TLE6: variants seen among roughly 807,000 people sequenced by gnomAD.
The protein encoded by TLE6 is TLE family member 6, subcortical maternal complex member, also known as transducin-like enhancer protein 6.
Under a neutral mutation model 77.1 loss-of-function variants are expected in TLE6, and 72 were observed. The observed-to-expected ratio is 0.93, with a 90% confidence interval of 0.77 to 1.14. TLE6 has a LOEUF of 1.14. Ranked by LOEUF, TLE6 falls within the 50% of genes most tolerant of loss-of-function variation. The probability of loss-of-function intolerance (pLI) is 0.00; values close to 1 mark genes in which losing one functional copy is unlikely to be tolerated. For missense variants in TLE6, 843 were observed against 747.6 expected (o/e 1.13, Z -1.49); for synonymous variants, 366 against 287.3 (o/e 1.27, Z -2.77).
At chr19:2,980,587 T>G (rs1463554646) in intron 3 of TLE6, among the ~76,000 whole-genome samples, 2 of 150,304 alleles carry the variant, frequency 1.3e-5, no homozygotes, top group Non-Finnish European at 3.0e-5. Context: ...AATACAAAAA[T>G]CAGCCAGGCT....
At chr19:2,993,956 G>C in intron 15 of TLE6, 63 bp from the exon 16 acceptor site, 1 of 1,222,980 alleles carries the variant, frequency 8.2e-7, no homozygotes. Context: ...GGGTGGGGAG[G>C]ATGAACTCTG....
intron 14 of TLE6, 84 bp from the exon 15 acceptor site, chr19:2,993,348 G>A: frequency 2.7e-6 from 4 of 1,459,476 alleles, no homozygotes; most frequent in South Asian, 2.7e-5. Flanking sequence ...CCGGCCTCCA[G>A]GATAGGTCCC....
chr19:2,978,123 G>T (rs374774785), intron 1 of TLE6, 75 bp from the exon 2 acceptor site: 15 of 1,138,928 alleles, frequency 1.3e-5, no homozygotes, highest in Middle Eastern at 2.0e-4. Context: ...TGCGGGTGGG[G>T]TAACGGGTGC....
At chr19:2,991,395 T>TATATATATACAC (rs1555686268) in intron 13 of TLE6, among the ~76,000 whole-genome samples, 54 of 114,116 alleles carry the variant, frequency 4.7e-4, no homozygotes, top group Admixed American at 2.5e-3. Flanking sequence ...TATATATATA[T>TATATATATACAC]ACACACACAC....
At chr19:2,987,437 A>G (rs2088940511) in intron 8 of TLE6, 65 bp downstream of exon 8, 2 of 1,604,094 alleles carry the variant, frequency 1.2e-6, no homozygotes, top group African/African-American at 2.7e-5. Context: ...GGGCTCCCCC[A>G]GGTCAGGGCA....
intron 11 of TLE6, among the ~76,000 whole-genome samples, chr19:2,988,529 T>C (rs1599163350): frequency 6.6e-6 from 1 of 151,210 alleles, no homozygotes; most frequent in South Asian, 2.1e-4. Flanking sequence ...ACCCGGGAGG[T>C]GGAGGTTGCA....
At chr19:2,981,828 C>T (rs1380875181) in intron 4 of TLE6, among the ~76,000 whole-genome samples, 2 of 151,272 alleles carry the variant, frequency 1.3e-5, no homozygotes, top group South Asian at 2.1e-4. Context: ...AAAAATTAGC[C>T]GGGCATGGTG....
intron 5 of TLE6, 138 bp downstream of exon 5, chr19:2,982,327 C>A: frequency 2.2e-6 from 2 of 907,112 alleles, no homozygotes; most frequent in South Asian, 1.6e-5. Context: ...CACTTGAGGT[C>A]AGGAGTTCGA....
At chr19:2,990,454 A>AT (rs2089019426) in intron 13 of TLE6, among the ~76,000 whole-genome samples, 1 of 150,772 alleles carries the variant, frequency 6.6e-6, no homozygotes. Flanking sequence ...CTACAAAAAA[A>AT]TTAGCCAGGC....
intron 11 of TLE6, 130 bp from the exon 12 acceptor site, chr19:2,988,931 G>C (rs1179770586): frequency 6.8e-6 from 9 of 1,319,986 alleles, no homozygotes; most frequent in Non-Finnish European, 9.4e-6. Context: ...GGAGTCTAGA[G>C]GGTAAAACAA....
rs775710267 is a variant in TLE6 at position 2,989,314 on chromosome 19, G to A, written c.993+1G>A. The A allele has an allele frequency of 3.7e-6, 6 of 1,612,664 alleles. No individual in the cohort carries two copies. Among genetic ancestry groups the A allele is most frequent in the Non-Finnish European group, 3.4e-6 (4 of 1,179,714 alleles). On this transcript the variant is annotated splice_donor_variant, in intron 12 of 16. Transcript: ENST00000246112. LOFTEE classifies it high-confidence loss of function. ...CCCTGAGAGCCACCTGCCTATACAGGTGAGGACGGCCTTGGTTTCCAGGGA... is the reference window on the plus strand; with the variant it reads ...CCCTGAGAGCCACCTGCCTATACAGATGAGGACGGCCTTGGTTTCCAGGGA...
At chr19:2,993,952 G>A in intron 15 of TLE6, 67 bp from the exon 16 acceptor site, 17 of 1,289,494 alleles carry the variant, frequency 1.3e-5, no homozygotes, top group Non-Finnish European at 1.6e-5. Flanking sequence ...AGGTGGGTGG[G>A]GAGGATGAAC....
chr19:2,991,281 C>A lies in TLE6; in HGVS notation c.1245-562C>A, dbSNP rs924239178. ...GGCTGAGGCAGGAGAATCGCTTGAA[C>A]CCAGGAGGCAGAGGTTGCAGTGAGC... is the stretch of plus-strand genomic sequence containing the variant. On this transcript the variant is annotated intron_variant, in intron 13 of 16. Transcript: ENST00000246112. Among the ~76,000 whole-genome samples, 3 of 150,194 alleles carry A rather than the reference C, an allele frequency of 2.0e-5. No individual in the cohort carries two copies. The Admixed American group carries it at 2.0e-4, about 10-fold the overall frequency.
Position 2,989,309 on chromosome 19 carries a change from T to C in TLE6, c.989T>C (p.Ile330Thr), listed in dbSNP as rs770578786. The C allele has an allele frequency of 1.2e-6, 2 of 1,613,164 alleles. No individual in the cohort carries two copies. The highest frequency in any genetic ancestry group is 1.7e-6 in the Non-Finnish European group (2 of 1,180,006). ...AGGTTCCCTGAGAGCCACCTGCCTATACAGGTGAGGACGGCCTTGGTTTCC... is the reference window on the plus strand; with the variant it reads ...AGGTTCCCTGAGAGCCACCTGCCTACACAGGTGAGGACGGCCTTGGTTTCC... ...EDRFPESHLP[I>T]QTPGAFLRTC... Residue 330 changes from isoleucine to threonine, a missense_variant, in exon 12 of 17, where the codon ATA becomes ACA. By Grantham distance (89) the Ile-to-Thr change is moderately conservative. Coordinates refer to ENST00000246112, the MANE Select transcript of TLE6 (RefSeq NM_001143986.2).
At chr19:2,979,301 C>G (rs1157849005) in intron 2 of TLE6, among the ~76,000 whole-genome samples, 1 of 151,486 alleles carries the variant, frequency 6.6e-6, no homozygotes, top group Non-Finnish European at 1.5e-5. Context: ...GGCTGGAGTG[C>G]AGTGGCGCGA....
chr19:2,989,735 C>T lies in TLE6; in HGVS notation c.1194C>T (p.Phe398=), dbSNP rs756345056. ...ATGCCAACCTGGCCTTCGCCAGCTT[C>T]ACCAGTGGTGTGGTCAGGATCTGGG... is the stretch of plus-strand genomic sequence containing the variant. ...NLDANLAFAS[F]TSGVVRIWDL... is the part of the protein sequence containing the mutation. Residue 398 remains phenylalanine (F), a synonymous_variant, in exon 13 of 17, where the codon TTC becomes TTT. Transcript: ENST00000246112. The T allele has an allele frequency of 1.2e-6, 2 of 1,614,222 alleles. No homozygotes were observed. Among genetic ancestry groups the T allele is most frequent in the East Asian group, 4.5e-5 (2 of 44,890 alleles).
At chr19:2,983,008 G>C (rs2088830429) in intron 5 of TLE6, among the ~76,000 whole-genome samples, 1 of 152,120 alleles carries the variant, frequency 6.6e-6, no homozygotes, top group Non-Finnish European at 1.5e-5. Flanking sequence ...GGCCCAAGCA[G>C]AAGTACGCCT....
chr19:2,988,171 G>A (rs12977724), intron 11 of TLE6, 43 bp downstream of exon 11: 1 of 1,543,422 alleles, frequency 6.5e-7, no homozygotes, highest in South Asian at 1.2e-5. Flanking sequence ...GTGAGGGGCA[G>A]CGGGAATTCC....
At chr19:2,989,451 A>C in intron 12 of TLE6, 84 bp from the exon 13 acceptor site, 2 of 1,569,516 alleles carry the variant, frequency 1.3e-6, no homozygotes, top group South Asian at 1.2e-5. Context: ...TAAAGGATGA[A>C]TAGGAGTTCG....
Sources: gnomAD v4.1 joint callset for allele counts (sites outside exome capture counted in the v4.1 genomes callset) on GRCh38, gnomAD v4.1.1 for gene constraint, MANE v1.5 for transcripts, NCBI Gene and HGNC (gene_info 2026-07-23, HGNC 2026-07-21) for gene names.